The following TCF12 variants were observed in gnomAD, a reference collection of about 807,000 sequenced individuals.
TCF12 encodes the protein DNA-binding protein HTF4.
In TCF12, 45 loss-of-function variants were observed where a neutral mutation model predicts 86.0. The observed-to-expected ratio is 0.52, with a 90% CI of 0.41 to 0.67. The LOEUF is 0.67. TCF12 is among the 30% of genes least tolerant of loss of function. The pLI is 0.00. For synonymous variants in TCF12, 330 were observed against 299.6 expected, an observed-to-expected ratio of 1.10 and a Z score of -1.05; for missense variants, 881 against 859.9, an observed-to-expected ratio of 1.02 and a Z score of -0.31.
At position 57,185,627 on chromosome 15, in the gene TCF12, C is replaced by A. The variant is rs139996657; in HGVS notation, c.391-6531C>A. ...AAAATATCAACAAGGTGACTCACAC[C>A]TTAATTCCAGCACTTTGAGAGACCA... On this transcript the variant is annotated intron_variant, in intron 6 of 20. Coordinates refer to ENST00000333725, the MANE Select transcript of TCF12 (RefSeq NM_207037.2). Among the ~76,000 whole-genome samples the A allele has an allele frequency of 1.2e-4, 19 of 152,270 alleles. 1 individual carries two copies. Among genetic ancestry groups the A allele is most frequent in the African/African-American group, 4.6e-4 (19 of 41,560 alleles).
intron 8 of TCF12, among the ~76,000 whole-genome samples, chr15:57,223,358 A>G (rs199894177): frequency 6.6e-6 from 1 of 152,034 alleles, no homozygotes; most frequent in African/African-American, 2.4e-5. Context: ...CATTGGATCC[A>G]ATGTGTATTT....
intron 3 of TCF12, among the ~76,000 whole-genome samples, chr15:57,045,697 C>T (rs149803478): frequency 2.0e-5 from 3 of 152,194 alleles, no homozygotes; most frequent in Admixed American, 6.5e-5. Context: ...AGGCACATAC[C>T]ATCATGCCTG....
At chr15:57,011,558 CTG>C (rs1405749410) in intron 3 of TCF12, among the ~76,000 whole-genome samples, 3 of 152,144 alleles carry the variant, frequency 2.0e-5, no homozygotes, top group African/African-American at 7.2e-5. Flanking sequence ...AATAAAAAAA[CTG>C]TGTTTTACAA....
chr15:57,120,185 G>A (rs766807479), intron 5 of TCF12, among the ~76,000 whole-genome samples: 36 of 152,344 alleles, frequency 2.4e-4, no homozygotes, highest in Non-Finnish European at 4.9e-4. Flanking sequence ...GGTAATGGAA[G>A]CATTTATGAC....
intron 16 of TCF12, among the ~76,000 whole-genome samples, chr15:57,259,759 G>T (rs1157667604): frequency 6.6e-6 from 1 of 152,192 alleles, no homozygotes; most frequent in East Asian, 1.9e-4. Flanking sequence ...ATTAAACCGA[G>T]TCCTATCTGG....
At chr15:57,104,028 AC>A (rs1473502684) in intron 5 of TCF12, among the ~76,000 whole-genome samples, 1 of 152,150 alleles carries the variant, frequency 6.6e-6, no homozygotes, top group Non-Finnish European at 1.5e-5. Context: ...AAACAAAAAA[AC>A]ACTTCAAAAT....
chr15:57,142,659 T>G (rs2053064519), intron 5 of TCF12, among the ~76,000 whole-genome samples: 1 of 152,206 alleles, frequency 6.6e-6, no homozygotes, highest in Admixed American at 6.5e-5. Flanking sequence ...TCAAAATACC[T>G]TCTCACAAAA....
At chr15:57,157,239 A>G (rs2054175148) in intron 5 of TCF12, among the ~76,000 whole-genome samples, 1 of 151,814 alleles carries the variant, frequency 6.6e-6, no homozygotes, top group South Asian at 2.1e-4. Context: ...CACCAAGGTG[A>G]CTTGATTATT....
At position 57,184,795 on chromosome 15, in the gene TCF12, G is replaced by A. The variant is rs900141953; in HGVS notation, c.391-7363G>A. On this transcript the variant is annotated intron_variant, in intron 6 of 20. Transcript: ENST00000333725. ...AACAGATGTGACAATGGAAATTTCA[G>A]TATAACATCTATGGGAGATTTAATG... 2.0e-5 allele frequency among the ~76,000 whole-genome samples: 3 copies of A among 152,154 alleles called. No homozygotes were observed. In the East Asian group the frequency reaches 5.8e-4, roughly 29 times the overall value.
chr15:57,184,754 AAAG>A (rs2056567709), intron 6 of TCF12, among the ~76,000 whole-genome samples: 1 of 152,172 alleles, frequency 6.6e-6, no homozygotes, highest in South Asian at 2.1e-4. Context: ...GAGCAAAATA[AAAG>A]AAGGAAATTC....
chr15:57,052,081 G>A (rs963964005), intron 3 of TCF12, among the ~76,000 whole-genome samples: 3 of 152,172 alleles, frequency 2.0e-5, no homozygotes, highest in South Asian at 2.1e-4. Flanking sequence ...AGGTTTAGAC[G>A]TTAATTATGA....
At chr15:57,028,859 T>C (rs1596200753) in intron 3 of TCF12, among the ~76,000 whole-genome samples, 1 of 152,144 alleles carries the variant, frequency 6.6e-6, no homozygotes, top group Non-Finnish European at 1.5e-5. Flanking sequence ...GGTGCAGTAA[T>C]GCGATCTTGG....
At chr15:57,208,539 C>G (rs1381353629) in intron 8 of TCF12, among the ~76,000 whole-genome samples, 1 of 151,142 alleles carries the variant, frequency 6.6e-6, no homozygotes, top group African/African-American at 2.4e-5. Context: ...AGTGCCACCA[C>G]AACTGGCTAA....
chr15:57,264,061 C>G (rs1198570662), intron 18 of TCF12, among the ~76,000 whole-genome samples: 1 of 151,910 alleles, frequency 6.6e-6, no homozygotes, highest in Non-Finnish European at 1.5e-5. Flanking sequence ...GTAAATTAAC[C>G]TTAGCTTACT....
At chr15:57,136,564 C>T (rs986924542) in intron 5 of TCF12, among the ~76,000 whole-genome samples, 8 of 152,002 alleles carry the variant, frequency 5.3e-5, no homozygotes, top group African/African-American at 1.9e-4. Flanking sequence ...TTATCTCACA[C>T]TAATACATAT....
intron 8 of TCF12, among the ~76,000 whole-genome samples, chr15:57,204,721 A>G (rs1425606870): frequency 6.6e-6 from 1 of 151,960 alleles, no homozygotes; most frequent in Non-Finnish European, 1.5e-5. Flanking sequence ...AATATTCAAA[A>G]GAAAAAAATA....
At chr15:57,146,726 A>G (rs967243462) in intron 5 of TCF12, among the ~76,000 whole-genome samples, 3 of 152,206 alleles carry the variant, frequency 2.0e-5, no homozygotes, top group Non-Finnish European at 4.4e-5. Flanking sequence ...TAAAGCTGTA[A>G]TACTTAAATC....
intron 3 of TCF12, among the ~76,000 whole-genome samples, chr15:57,001,997 C>T (rs2064068681): frequency 6.6e-6 from 1 of 152,114 alleles, no homozygotes; most frequent in African/African-American, 2.4e-5. Flanking sequence ...ACCAATAAGC[C>T]TTGAATTTGA....
At chr15:56,994,626 T>G (rs1366361048) in intron 3 of TCF12, among the ~76,000 whole-genome samples, 2 of 152,012 alleles carry the variant, frequency 1.3e-5, no homozygotes, top group African/African-American at 4.8e-5. Context: ...TGACTTCAGA[T>G]TTTACATCAG....
Sources: allele counts gnomAD v4.1 joint callset (sites outside exome capture counted in the v4.1 genomes callset), GRCh38; gene constraint gnomAD v4.1.1; transcripts MANE v1.5; gene names NCBI Gene and HGNC (gene_info 2026-07-23, HGNC 2026-07-21).